The following PLCE1 variants were observed in gnomAD, a reference collection of about 807,000 sequenced individuals.
PLCE1 encodes the protein phospholipase C epsilon 1, also known as 1-phosphatidylinositol 4,5-bisphosphate phosphodiesterase epsilon-1.
PLCE1 carries 119 observed loss-of-function variants against 242.8 expected under a neutral mutation model. The ratio of observed to expected loss-of-function variants is 0.49; its 90% CI spans 0.42 to 0.57. The LOEUF is 0.57. Ranked by LOEUF, PLCE1 falls within the 20% of genes least tolerant of loss-of-function variation. PLCE1 has a pLI of 0.00. For synonymous variants in PLCE1, 945 were observed against 1,017.4 expected (o/e 0.93, Z 1.35); for missense variants, 2,441 against 2,788.8 (o/e 0.88, Z 2.81).
At chr10:94,158,732 C>A (rs1271900256) in intron 3 of PLCE1, among the ~76,000 whole-genome samples, 8 of 151,398 alleles carry the variant, frequency 5.3e-5, no homozygotes, top group Non-Finnish European at 1.0e-4. Flanking sequence ...AATGTGTTCT[C>A]TGATCCTAAT....
intron 29 of PLCE1, among the ~76,000 whole-genome samples, 188 bp from the exon 30 acceptor site, chr10:94,321,713 A>G (rs1211786671): frequency 6.6e-6 from 1 of 152,128 alleles, no homozygotes; most frequent in Non-Finnish European, 1.5e-5. Context: ...GAAGCACAGT[A>G]GTTTCCTCCT....
At position 94,236,099 on chromosome 10, in the gene PLCE1, T is replaced by C; in HGVS notation, c.2399T>C (p.Leu800Ser). Residue 800 changes from leucine (L) to serine (S), a missense_variant, in exon 7 of 33, where the codon TTG becomes TCG. By Grantham distance (145) the Leu-to-Ser change is moderately radical. Around this residue, in one of 5 missense-constraint regions of PLCE1, gnomAD observed 733 missense variants for 754.2 expected, o/e 0.97. Transcript: ENST00000371380. ...GGAAACAGCTCCAGGAAAAGCTCCT[T>C]GAAGGATAAAAGCCGATGGCAGTAA... ...SEGNSSRKSS[L>S]KDKSRWQFII... The C allele has an allele frequency of 6.2e-7, 1 of 1,613,758 alleles. No homozygotes were observed. Among genetic ancestry groups the C allele is most frequent in the Non-Finnish European group, 8.5e-7 (1 of 1,179,864 alleles).
chr10:94,233,346 G>A (rs1329375512), intron 5 of PLCE1, among the ~76,000 whole-genome samples: 1 of 152,158 alleles, frequency 6.6e-6, no homozygotes, highest in East Asian at 1.9e-4. Flanking sequence ...GATCACTAAG[G>A]GACTGGATTG....
chr10:94,113,510 C>T (rs904232228), intron 2 of PLCE1, among the ~76,000 whole-genome samples: 4 of 152,104 alleles, frequency 2.6e-5, no homozygotes, highest in African/African-American at 9.7e-5. Flanking sequence ...GGCTGGGAGC[C>T]GTAGGTGAGA....
chr10:94,194,548 A>C (rs1417163567), intron 4 of PLCE1, among the ~76,000 whole-genome samples: 1 of 152,216 alleles, frequency 6.6e-6, no homozygotes, highest in Non-Finnish European at 1.5e-5. Context: ...GCACAATTCC[A>C]GAGGGCACTG....
chr10:94,104,062 G>A (rs2045636046), intron 2 of PLCE1: 1 of 152,224 alleles, frequency 6.6e-6, no homozygotes, highest in Admixed American at 6.5e-5. Context: ...ACTTTTATGA[G>A]CTGAGTAGGA....
chr10:94,262,646 G>C lies in PLCE1; in HGVS notation c.3967G>C (p.Gly1323Arg). 1 of 1,614,040 alleles carries C rather than the reference G, an allele frequency of 6.2e-7. No individual in the cohort carries two copies. Among genetic ancestry groups the C allele is most frequent in the Non-Finnish European group, 8.5e-7 (1 of 1,179,966 alleles). ...GIESTSLGIF[G>R]VGILQLNDFL... ...TGAGAGCACATCTCTGGGCATTTTT[G>C]GGGTGGGCATACTTCAGCTCAACGA... is the stretch of plus-strand genomic sequence containing the variant. Residue 1323 changes from glycine to arginine, a missense_variant, in exon 14 of 33, where the codon GGG becomes CGG. Physicochemically the swap from Gly to Arg is moderately radical, Grantham distance 125. This residue lies in a region of PLCE1 where 1,004 missense variants were observed against 1,322.7 expected (regional missense o/e 0.76). Transcript: ENST00000371380.
At chr10:94,314,317 C>T (rs772001155) in intron 28 of PLCE1, among the ~76,000 whole-genome samples, 2 of 152,192 alleles carry the variant, frequency 1.3e-5, no homozygotes, top group Non-Finnish European at 2.9e-5. Flanking sequence ...CTTCTCCATG[C>T]AGCCAGGCGC....
intron 7 of PLCE1, among the ~76,000 whole-genome samples, chr10:94,236,860 C>G (rs997431170): frequency 6.6e-6 from 1 of 152,128 alleles, no homozygotes; most frequent in Non-Finnish European, 1.5e-5. Context: ...ATCTCCCTCT[C>G]TCTCTCTCTC....
At chr10:94,098,238 T>G (rs2045389566) in intron 2 of PLCE1, among the ~76,000 whole-genome samples, 1 of 152,230 alleles carries the variant, frequency 6.6e-6, no homozygotes, top group South Asian at 2.1e-4. Context: ...AAAAACTTAC[T>G]GTGTAAAATT....
At chr10:94,037,798 A>C (rs2061691888) in intron 2 of PLCE1, among the ~76,000 whole-genome samples, 1 of 152,210 alleles carries the variant, frequency 6.6e-6, no homozygotes, top group Non-Finnish European at 1.5e-5. Flanking sequence ...TAGTTATACC[A>C]GCCCTTTGGC....
At chr10:94,146,881 C>T (rs887800428) in intron 3 of PLCE1, among the ~76,000 whole-genome samples, 11 of 152,264 alleles carry the variant, frequency 7.2e-5, no homozygotes, top group Middle Eastern at 3.4e-3. Context: ...TAGTAAAGCC[C>T]GTTAGACCTT....
At chr10:94,305,713 G>A (rs2053178319) in intron 25 of PLCE1, among the ~76,000 whole-genome samples, 1 of 152,208 alleles carries the variant, frequency 6.6e-6, no homozygotes, top group Admixed American at 6.5e-5. Flanking sequence ...TAACACGTCT[G>A]TGACTTGCTC....
At chr10:94,167,533 T>A (rs935060360) in intron 3 of PLCE1, among the ~76,000 whole-genome samples, 10 of 152,148 alleles carry the variant, frequency 6.6e-5, no homozygotes, top group Non-Finnish European at 1.3e-4. Flanking sequence ...TTATTATTAT[T>A]ATACTTTAAG....
intron 1 of PLCE1, among the ~76,000 whole-genome samples, chr10:94,026,706 T>C (rs1445662258): frequency 6.6e-6 from 1 of 152,194 alleles, no homozygotes; most frequent in African/African-American, 2.4e-5. Context: ...ATGTGGAAAG[T>C]ATATCTCAAA....
intron 5 of PLCE1, among the ~76,000 whole-genome samples, chr10:94,229,485 T>G (rs933837399): frequency 1.3e-5 from 2 of 152,150 alleles, no homozygotes; most frequent in African/African-American, 4.8e-5. Flanking sequence ...TCTTGCCATA[T>G]TGTACTGATC....
At chr10:94,061,371 A>G (rs1448946897) in intron 2 of PLCE1, among the ~76,000 whole-genome samples, 1 of 152,238 alleles carries the variant, frequency 6.6e-6, no homozygotes, top group Admixed American at 6.5e-5. Flanking sequence ...GCAAACCCAT[A>G]CTATGAATCT....
At chr10:94,127,392 A>G (rs1235985303) in intron 2 of PLCE1, among the ~76,000 whole-genome samples, 1 of 152,176 alleles carries the variant, frequency 6.6e-6, no homozygotes, top group Non-Finnish European at 1.5e-5. Flanking sequence ...TTATCAGCCA[A>G]GGTGACAGGG....
intron 2 of PLCE1, among the ~76,000 whole-genome samples, chr10:94,066,522 A>G (rs1417484420): frequency 6.6e-6 from 1 of 152,140 alleles, no homozygotes; most frequent in East Asian, 1.9e-4. Flanking sequence ...GCAGGGAGAC[A>G]TGTACCAACT....
Sources: gnomAD v4.1 joint callset for allele counts (sites outside exome capture counted in the v4.1 genomes callset) on GRCh38, gnomAD v4.1.1 for gene constraint, gnomAD v4.1.1 regional missense constraint, MANE v1.5 for transcripts, NCBI Gene and HGNC (gene_info 2026-07-23, HGNC 2026-07-21) for gene names.